Variants in ZP4 observed in about 807,000 individuals in gnomAD.
ZP4 encodes the protein zona pellucida sperm-binding protein 4.
ZP4 carries 62 observed loss-of-function variants against 62.3 expected under a neutral mutation model. The ratio of observed to expected loss-of-function variants is 0.99; its 90% CI spans 0.81 to 1.23. ZP4 has a LOEUF of 1.23. Ranked by LOEUF, ZP4 falls within the 50% of genes most tolerant of loss-of-function variation. ZP4 has a pLI of 0.00. For synonymous variants in ZP4, 289 were observed against 247.3 expected, an observed-to-expected ratio of 1.17 and a Z score of -1.58; for missense variants, 774 against 656.0, an observed-to-expected ratio of 1.18 and a Z score of -1.97.
At position 237,887,478 on chromosome 1, in the gene ZP4, C is replaced by A. The variant is rs1363503592; in HGVS notation, c.637G>T (p.Val213Leu). The A allele has an allele frequency of 1.9e-6, 3 of 1,614,218 alleles. No homozygotes were observed. The highest frequency in any genetic ancestry group is 2.5e-6 in the Non-Finnish European group (3 of 1,180,044). The part of the protein sequence containing the change: ...VTSPPLLLDS[V>L]RLALRNDSAC... The stretch of plus-strand genomic sequence containing the variant: ...CTGTCATTCCTAAGGGCCAAGCGCA[C>A]AGAATCCAAGAGCAGTGGTGGCGAG... Residue 213 changes from valine to leucine, a missense_variant, in exon 5 of 12, where the codon GTG becomes TTG. Transcript: ENST00000366570.
chr1:237,883,732 GGAGAGA>G (rs1311819419), intron 10 of ZP4, among the ~76,000 whole-genome samples: 1 of 66,732 alleles, frequency 1.5e-5, no homozygotes, highest in African/African-American at 6.0e-5. Context: ...GGCGGGGGAG[GGAGAGA>G]GAGGGAGAGA....
At position 237,885,857 on chromosome 1, in the gene ZP4, C is replaced by T; in HGVS notation, c.869G>A (p.Ser290Asn). ...GACATTGATTGGGAGAGAGTTGCTA[C>T]TTACTGAGTAGCTGCAGCTGACATG... ...RLHVSCSYSV[S>N]SNSLPINVQV... Residue 290 changes from serine (S) to asparagine (N), a missense_variant, in exon 7 of 12, where the codon AGT becomes AAT. Coordinates refer to ENST00000366570, the MANE Select transcript of ZP4 (RefSeq NM_021186.5). 6.8e-6 allele frequency: 11 copies of T among 1,614,118 alleles called. No homozygotes were observed. Among genetic ancestry groups the T allele is most frequent in the Non-Finnish European group, 8.5e-6 (10 of 1,180,026 alleles).
chr1:237,885,531 C>T lies in ZP4; in HGVS notation c.1020G>A (p.Lys340=). 6.2e-7 allele frequency: 1 copy of T among 1,614,162 alleles called. No individual in the cohort carries two copies. The change falls in exon 8 of 12, where the codon AAG becomes AAA. Residue 340 remains lysine (K), a synonymous_variant. Transcript: ENST00000366570. The stretch of plus-strand genomic sequence containing the variant: ...CCACGTAAATGGGATCCCGAAGCAA[C>T]TTCACCACTGGGTAGTCACCAACAC... ...YYGVGDYPVV[K]LLRDPIYVEV... is the part of the protein sequence containing the mutation.
chr1:237,882,624 T>G (rs1194007733), intron 11 of ZP4, 75 bp from the exon 12 acceptor site: 1 of 1,565,702 alleles, frequency 6.4e-7, no homozygotes, highest in Non-Finnish European at 8.7e-7. Flanking sequence ...AGACTAGCAG[T>G]CTTCTGCTAT....
rs767169325 is a variant in ZP4 at position 237,890,184 on chromosome 1, G to A, written c.176-8C>T. 1.2e-5 allele frequency: 19 copies of A among 1,613,574 alleles called. No individual in the cohort carries two copies. The highest frequency in any genetic ancestry group is 1.5e-5 in the Non-Finnish European group (18 of 1,180,008). ...GCAGCAGCCCTTGGTTGTCTGGAGG[G>A]GTGGGGAAGAGGTGAGAAAACACAG... On this transcript the variant is annotated splice_polypyrimidine_tract_variant and splice_region_variant and intron_variant, in intron 1 of 11. Transcript: ENST00000366570.
chr1:237,890,767 G>T lies in ZP4; in HGVS notation c.-132C>A. ...CAGCTGCACATCTTTGTGACACTCA[G>T]GTGGGATGCCTTCAGAAAGGGGAAT... is the stretch of plus-strand genomic sequence containing the variant. On this transcript the variant is annotated 5_prime_UTR_variant, in exon 1 of 12. The change creates a new upstream start codon in the 5' untranslated region. Transcript: ENST00000366570. The T allele has an allele frequency of 9.8e-7, 1 of 1,017,500 alleles. No individual in the cohort carries two copies. The highest frequency in any genetic ancestry group is 1.4e-6 in the Non-Finnish European group (1 of 712,892). 63.0% of individuals were successfully genotyped at this position (1,017,500 alleles called of 1,614,324 possible). A position where few individuals can be genotyped will look rare whatever the true frequency, so the allele number is the denominator to read the frequency against.
intron 3 of ZP4, 42 bp downstream of exon 3, chr1:237,889,825 C>A: frequency 6.9e-7 from 1 of 1,446,798 alleles, no homozygotes; most frequent in South Asian, 1.1e-5. Context: ...CACACCCCAC[C>A]CCCACCACCC....
chr1:237,886,335 G>C (rs1277167837), intron 6 of ZP4, among the ~76,000 whole-genome samples: 1 of 152,178 alleles, frequency 6.6e-6, no homozygotes, highest in Non-Finnish European at 1.5e-5. Context: ...GAACAGGCTG[G>C]AGATGAAGTA....
chr1:237,884,699 AGACTAGGAAAG>A, intron 10 of ZP4, 59 bp downstream of exon 10: 1 of 1,427,964 alleles, frequency 7.0e-7, no homozygotes, highest in Non-Finnish European at 9.7e-7. Flanking sequence ...GTTTGGCCAG[AGACTAGGAAAG>A]GTTAGACATG....
chr1:237,890,014 G>T, intron 2 of ZP4, 41 bp downstream of exon 2: 1 of 1,614,146 alleles, frequency 6.2e-7, no homozygotes, highest in Non-Finnish European at 8.5e-7. Flanking sequence ...GGTAGCATGA[G>T]GCGCTTCACA....
chr1:237,882,584 C>T (rs771989315), intron 11 of ZP4, 35 bp from the exon 12 acceptor site: 30 of 1,579,420 alleles, frequency 1.9e-5, no homozygotes, highest in South Asian at 1.0e-4. Flanking sequence ...TTAATGTATG[C>T]TAAAACCAAG....
At position 237,890,471 on chromosome 1, in the gene ZP4, T is replaced by C. The variant is rs2103021636; in HGVS notation, c.165A>G (p.Leu55=). The change falls in exon 1 of 12, where the codon CTA becomes CTG. Residue 55 remains leucine, a synonymous_variant. Coordinates refer to ENST00000366570, the MANE Select transcript of ZP4 (RefSeq NM_021186.5). ...AGTCATCAAACTTACCCCAAGCTAT[T>C]AGTACAGGAGGAGACGTTGCCTCCT... ...LNQEATSPPV[L]IAWDNQGLLH... is the part of the protein sequence containing the mutation. 2.5e-6 allele frequency: 4 copies of C among 1,610,920 alleles called. No individual in the cohort carries two copies. Among genetic ancestry groups the C allele is most frequent in the Non-Finnish European group, 3.4e-6 (4 of 1,178,998 alleles).
chr1:237,884,055 C>T (rs1665035694), intron 10 of ZP4, among the ~76,000 whole-genome samples: 1 of 141,578 alleles, frequency 7.1e-6, no homozygotes, highest in African/African-American at 3.0e-5. Context: ...CACACACAAA[C>T]ACACACAAAC....
chr1:237,884,367 C>T lies in ZP4; in HGVS notation c.1390+402G>A, dbSNP rs75950376. On this transcript the variant is annotated intron_variant, in intron 10 of 11. Coordinates refer to ENST00000366570, the MANE Select transcript of ZP4 (RefSeq NM_021186.5). Reference sequence around the variant, plus strand: ...ATTGACTACTTAGAAGCATTGGACCCAACGAACTAGAGACCACATTCTAGG... The same window carrying T: ...ATTGACTACTTAGAAGCATTGGACCTAACGAACTAGAGACCACATTCTAGG... Among the ~76,000 whole-genome samples, 72 of 152,208 alleles carry T rather than the reference C, an allele frequency of 4.7e-4. 1 individual carries two copies. In the East Asian group the frequency reaches 9.9e-3, roughly 21 times the overall value.
chr1:237,886,296 G>A (rs1558532925), intron 6 of ZP4, among the ~76,000 whole-genome samples: 1 of 152,178 alleles, frequency 6.6e-6, no homozygotes, highest in Admixed American at 6.5e-5. Context: ...TCGGGGAATA[G>A]TGAGTAAGGG....
At position 237,885,583 on chromosome 1, in the gene ZP4, G is replaced by A. The variant is rs761043873; in HGVS notation, c.971-3C>T. On this transcript the variant is annotated splice_region_variant and splice_polypyrimidine_tract_variant and intron_variant, in intron 7 of 11. Transcript: ENST00000366570. ...GTAGTAAGAGCCATAGTTTTTATCT[G>A]CAAGAGGCAGAAATAAGGATTTGAA... 5 of 1,611,892 alleles carry A rather than the reference G, an allele frequency of 3.1e-6. No individual in the cohort carries two copies. Among genetic ancestry groups the A allele is most frequent in the East Asian group, 2.2e-5 (1 of 44,892 alleles).
In ZP4 at chr1:237,890,693, AG is replaced by A; in HGVS notation, c.-59del. On this transcript the variant is annotated 5_prime_UTR_variant, in exon 1 of 12. Coordinates refer to ENST00000366570, the MANE Select transcript of ZP4 (RefSeq NM_021186.5). ...TCTCCGCCTCCTCTCCCAAGAGCCG[AG>A]GGTCTGCCTGCCCAGATTCCTTTAT... 1 of 1,559,648 alleles carries A rather than the reference AG, an allele frequency of 6.4e-7. No individual in the cohort carries two copies. The highest frequency in any genetic ancestry group is 8.7e-7 in the Non-Finnish European group (1 of 1,152,542).
At chr1:237,885,032 A>G in intron 9 of ZP4, 133 bp downstream of exon 9, 5 of 1,327,574 alleles carry the variant, frequency 3.8e-6, no homozygotes, top group Non-Finnish European at 5.2e-6. Context: ...ATTAGTAACA[A>G]GGGTTGCTCT....
At chr1:237,889,578 G>A (rs545597484) in intron 3 of ZP4, among the ~76,000 whole-genome samples, 3 of 152,222 alleles carry the variant, frequency 2.0e-5, no homozygotes, top group African/African-American at 4.8e-5. Flanking sequence ...CTCCCAAAGT[G>A]CTGTGATTAC....
Sources: allele counts gnomAD v4.1 joint callset (sites outside exome capture counted in the v4.1 genomes callset), GRCh38; gene constraint gnomAD v4.1.1; transcripts MANE v1.5; gene names NCBI Gene and HGNC (gene_info 2026-07-23, HGNC 2026-07-21).